Variants in ANK3 observed in about 807,000 individuals in gnomAD.
The protein encoded by ANK3 is ankyrin 3.
Under a neutral mutation model 370.9 loss-of-function variants are expected in ANK3, and 57 were observed. The observed-to-expected ratio is 0.15, with a 90% CI of 0.12 to 0.19. ANK3 has a LOEUF of 0.19. ANK3 is among the 10% of genes least tolerant of loss of function. The pLI is 1.00. For missense variants in ANK3, 4,439 were observed against 5,302.1 expected (o/e 0.84, Z 5.06); for synonymous variants, 1,929 against 1,946.3 (o/e 0.99, Z 0.23).
At chr10:60,336,582 T>TCTATCTATCTATCTAC (rs1555308347) in intron 1 of ANK3, among the ~76,000 whole-genome samples, 40 of 152,214 alleles carry the variant, frequency 2.6e-4, no homozygotes, top group African/African-American at 8.4e-4. Flanking sequence ...TATCTATCTA[T>TCTATCTATCTATCTAC]CTATCTATCT....
intron 2 of ANK3, among the ~76,000 whole-genome samples, chr10:60,414,632 C>G (rs918426384): frequency 4.6e-5 from 7 of 152,222 alleles, no homozygotes; most frequent in South Asian, 4.2e-4. Flanking sequence ...AATAAATATG[C>G]CTTCTCTCCT....
chr10:60,031,281 G>T (rs7911953), intron 43 of ANK3, among the ~76,000 whole-genome samples: 129,880 of 152,200 alleles, frequency 0.85, 56,910 homozygotes, highest in Non-Finnish European at 0.92. Context: ...TGAATTAATT[G>T]TATTTGAGCT....
At chr10:60,603,497 G>A (rs928188687) in intron 2 of ANK3, among the ~76,000 whole-genome samples, 1 of 152,026 alleles carries the variant, frequency 6.6e-6, no homozygotes, top group Non-Finnish European at 1.5e-5. Context: ...TTATATCCCT[G>A]AATTTCAAAA....
At chr10:60,342,563 C>T (rs1010655521) in intron 1 of ANK3, among the ~76,000 whole-genome samples, 1 of 152,160 alleles carries the variant, frequency 6.6e-6, no homozygotes, top group Non-Finnish European at 1.5e-5. Context: ...TACTTAATTA[C>T]ATCATGGATC....
intron 1 of ANK3, among the ~76,000 whole-genome samples, chr10:60,633,415 T>C (rs1038908391): frequency 6.6e-6 from 1 of 152,224 alleles, no homozygotes; most frequent in African/African-American, 2.4e-5. Context: ...CTGCTGGAGT[T>C]TTTTTAAGCA....
intron 5 of ANK3, among the ~76,000 whole-genome samples, chr10:60,266,988 T>G (rs769870545): frequency 3.6e-4 from 55 of 152,202 alleles, no homozygotes; most frequent in Non-Finnish European, 6.6e-4. Context: ...AGATTATATA[T>G]AGAGAGAAAA....
chr10:60,593,047 T>C (rs2077938743), intron 2 of ANK3, among the ~76,000 whole-genome samples: 1 of 152,222 alleles, frequency 6.6e-6, no homozygotes, highest in East Asian at 1.9e-4. Flanking sequence ...AGAATTTCTG[T>C]TAGTCAAGAG....
chr10:60,091,738 T>C (rs1016485915), intron 28 of ANK3, among the ~76,000 whole-genome samples: 1 of 150,200 alleles, frequency 6.7e-6, no homozygotes, highest in African/African-American at 2.4e-5. Flanking sequence ...ACATTTTTGT[T>C]TTTTTTTTTT....
intron 2 of ANK3, among the ~76,000 whole-genome samples, chr10:60,405,149 C>T (rs985413043): frequency 1.3e-5 from 2 of 152,112 alleles, no homozygotes; most frequent in Admixed American, 1.3e-4. Flanking sequence ...AACACCTACC[C>T]TATAACCTAG....
chr10:60,385,725 G>T lies in ANK3; in HGVS notation c.114+3700C>A, dbSNP rs1425440084. 3.3e-5 allele frequency among the ~76,000 whole-genome samples: 5 copies of T among 152,124 alleles called. No homozygotes were observed. In the East Asian group the frequency reaches 7.7e-4, roughly 23 times the overall value. On this transcript the variant is annotated intron_variant, in intron 1 of 43. Transcript: ENST00000280772. ...TGTGTCAGGCGCATGTATAGAGAGAGATCTACCTACCTACTTACCTATCTG... is the reference window on the plus strand; with the variant it reads ...TGTGTCAGGCGCATGTATAGAGAGATATCTACCTACCTACTTACCTATCTG...
chr10:60,060,061 A>AAAAC, intron 40 of ANK3: 1 of 1,365,580 alleles, frequency 7.3e-7, no homozygotes, highest in Non-Finnish European at 9.9e-7. Flanking sequence ...ACATCAAACA[A>AAAAC]AAACACATGG....
intron 8 of ANK3, among the ~76,000 whole-genome samples, chr10:60,218,987 C>T (rs1290619004): frequency 6.6e-6 from 1 of 151,582 alleles, no homozygotes; most frequent in Admixed American, 6.6e-5. Flanking sequence ...CTTTTCATTC[C>T]TTTTACTCTA....
intron 1 of ANK3, among the ~76,000 whole-genome samples, chr10:60,370,431 G>T (rs930770475): frequency 6.6e-6 from 1 of 152,032 alleles, no homozygotes; most frequent in African/African-American, 2.4e-5. Flanking sequence ...GCTATGAATA[G>T]CATTGAAAAA....
intron 25 of ANK3, among the ~76,000 whole-genome samples, chr10:60,118,457 A>T (rs1188540312): frequency 6.6e-6 from 1 of 152,162 alleles, no homozygotes; most frequent in Non-Finnish European, 1.5e-5. Flanking sequence ...ATAAGAATCT[A>T]CGGAACCAAG....
chr10:60,159,287 T>C (rs1470724488), intron 23 of ANK3, among the ~76,000 whole-genome samples: 1 of 151,962 alleles, frequency 6.6e-6, no homozygotes, highest in Non-Finnish European at 1.5e-5. Context: ...TATACTTAGA[T>C]GAAATAGATT....
rs1284355094 is a variant in ANK3 at position 60,417,043 on chromosome 10, C to T, written c.97-137404G>A. Reference sequence around the variant, plus strand: ...GTAAAGAAAGGATGGCTGAGAGAAGCGGAGGCTAGGAAAGATATCCAGATG... The same window carrying T: ...GTAAAGAAAGGATGGCTGAGAGAAGTGGAGGCTAGGAAAGATATCCAGATG... On this transcript the variant is annotated intron_variant, in intron 2 of 43. Transcript: ENST00000373827. Among the ~76,000 whole-genome samples, 5 of 152,032 alleles carry T rather than the reference C, an allele frequency of 3.3e-5. No homozygotes were observed. In the East Asian group the frequency reaches 5.8e-4, roughly 18 times the overall value.
chr10:60,058,979 T>G (rs2079775971), intron 41 of ANK3, among the ~76,000 whole-genome samples: 1 of 152,186 alleles, frequency 6.6e-6, no homozygotes, highest in African/African-American at 2.4e-5. Context: ...GGTCTTGAAC[T>G]CCTGACCTCA....
intron 2 of ANK3, among the ~76,000 whole-genome samples, chr10:60,501,407 T>C (rs887843273): frequency 6.6e-6 from 1 of 152,110 alleles, no homozygotes; most frequent in Non-Finnish European, 1.5e-5. Context: ...GAACAGCACC[T>C]AGAAAATGAA....
At chr10:60,052,312 G>A (rs976563417) in intron 42 of ANK3, among the ~76,000 whole-genome samples, 2 of 151,884 alleles carry the variant, frequency 1.3e-5, no homozygotes, top group African/African-American at 4.8e-5. Flanking sequence ...TGGGCAATAG[G>A]GCAAGACTCC....
Sources: gnomAD v4.1 joint callset for allele counts (sites outside exome capture counted in the v4.1 genomes callset) on GRCh38, gnomAD v4.1.1 for gene constraint, MANE v1.5 for transcripts, NCBI Gene and HGNC (gene_info 2026-07-23, HGNC 2026-07-21) for gene names.